The following GALNT14 variants were observed in gnomAD, a reference collection of about 807,000 sequenced individuals.
The protein encoded by GALNT14 is polypeptide N-acetylgalactosaminyltransferase 14.
A neutral mutation model predicts 77.5 loss-of-function variants in GALNT14; 60 were observed. The ratio of observed to expected loss-of-function variants is 0.77; its 90% CI spans 0.63 to 0.96. GALNT14 has a LOEUF of 0.96. Among genes scored for constraint, GALNT14 ranks in the 40% least tolerant of loss-of-function variants. The probability of loss-of-function intolerance (pLI) is 0.00; values close to 1 mark genes in which losing one functional copy is unlikely to be tolerated. For missense variants in GALNT14, 710 were observed against 731.0 expected (o/e 0.97, Z 0.33); for synonymous variants, 280 against 281.7 (o/e 0.99, Z 0.06).
At position 30,924,814 on chromosome 2, in the gene GALNT14, G is replaced by T; in HGVS notation, c.1161C>A (p.Ser387Arg). 1 of 1,613,400 alleles carries T rather than the reference G, an allele frequency of 6.2e-7. No homozygotes were observed. The highest frequency in any genetic ancestry group is 1.1e-5 in the South Asian group (1 of 90,962). Residue 387 changes from serine (S) to arginine (R), a missense_variant, in exon 12 of 15, where the codon AGC becomes AGA. Transcript: ENST00000349752. ...GCAGATTCTTCCTCAGGTCCAATCTGCTCTCAACACTGGGGGCAACGGGGT... is the reference window on the plus strand; with the variant it reads ...GCAGATTCTTCCTCAGGTCCAATCTTCTCTCAACACTGGGGGCAACGGGGT... ...ALERPFGNVE[S>R]RLDLRKNLRC...
chr2:31,072,285 A>T (rs1254977701), intron 1 of GALNT14, among the ~76,000 whole-genome samples: 4 of 108,610 alleles, frequency 3.7e-5, no homozygotes, highest in African/African-American at 1.5e-4. Context: ...ACACACATAC[A>T]CACACACACA....
intron 1 of GALNT14, among the ~76,000 whole-genome samples, chr2:31,083,343 T>G (rs1187826575): frequency 5.3e-5 from 8 of 152,188 alleles, no homozygotes; most frequent in African/African-American, 1.9e-4. Flanking sequence ...TGAGTTTTTG[T>G]TGTATGAGGA....
intron 1 of GALNT14, among the ~76,000 whole-genome samples, chr2:31,130,751 T>A (rs1402821098): frequency 7.3e-6 from 1 of 137,494 alleles, no homozygotes; most frequent in Admixed American, 7.0e-5. Flanking sequence ...TGTGTGTGTG[T>A]GTGTGTGTGT....
At chr2:30,904,385 T>C in the GALNT14 span, among the ~76,000 whole-genome samples, 4 of 152,314 alleles carry the variant, frequency 2.6e-5, no homozygotes, top group South Asian at 2.1e-4. Flanking sequence ...GGGCGAGGCA[T>C]TGCCTCACTT....
intron 1 of GALNT14, among the ~76,000 whole-genome samples, chr2:31,086,342 T>G (rs1676428863): frequency 6.6e-6 from 1 of 152,212 alleles, no homozygotes; most frequent in Non-Finnish European, 1.5e-5. Flanking sequence ...AGCAGGTCCC[T>G]GCAGTGCCTG....
intron 1 of GALNT14, among the ~76,000 whole-genome samples, chr2:31,097,242 C>G (rs994100351): frequency 2.0e-5 from 3 of 152,058 alleles, no homozygotes; most frequent in African/African-American, 7.2e-5. Flanking sequence ...GAGAAAAGAG[C>G]TAAAGGAGAT....
At chr2:30,935,423 C>T (rs975005467) in intron 9 of GALNT14, among the ~76,000 whole-genome samples, 4 of 152,220 alleles carry the variant, frequency 2.6e-5, no homozygotes, top group African/African-American at 9.7e-5. Flanking sequence ...TCATCCAGTC[C>T]TGAAGGATGT....
chr2:30,908,581 A>T (rs1258460573), downstream of GALNT14, among the ~76,000 whole-genome samples: 3 of 145,426 alleles, frequency 2.1e-5, no homozygotes, highest in African/African-American at 7.9e-5. Flanking sequence ...ATGGAAGAAC[A>T]TTCCATGCTC....
At position 30,924,150 on chromosome 2, in the gene GALNT14, G is replaced by T. The variant is rs766451616; in HGVS notation, c.1349C>A (p.Ala450Asp). Residue 450 changes from alanine (A) to aspartate (D), a missense_variant, in exon 13 of 15, where the codon GCC becomes GAC. By Grantham distance (126) the Ala-to-Asp change is moderately radical (BLOSUM62 -2). Transcript: ENST00000349752. ...ETPNLKLSPC[A>D]KVKGEDAKSQ... ...CTTTGCATCTTCGCCTTTGACCTTG[G>T]CACAGGGGCTCAACTTTAGGTTTGG... 2 of 1,614,204 alleles carry T rather than the reference G, an allele frequency of 1.2e-6. No homozygotes were observed. Among genetic ancestry groups the T allele is most frequent in the South Asian group, 2.2e-5 (2 of 91,084 alleles).
intron 1 of GALNT14, among the ~76,000 whole-genome samples, chr2:31,037,878 A>C (rs978416366): frequency 1.3e-5 from 2 of 151,694 alleles, no homozygotes; most frequent in Non-Finnish European, 2.9e-5. Context: ...TCCTATTTGC[A>C]TAGCCTCAAA....
chr2:30,984,677 C>T (rs940449348), intron 2 of GALNT14, among the ~76,000 whole-genome samples: 14 of 152,168 alleles, frequency 9.2e-5, no homozygotes, highest in African/African-American at 3.4e-4. Flanking sequence ...CTTCCCTCAA[C>T]TTGAAATGCC....
At chr2:31,133,854 G>C (rs909575065) in intron 1 of GALNT14, among the ~76,000 whole-genome samples, 3 of 152,150 alleles carry the variant, frequency 2.0e-5, no homozygotes, top group Admixed American at 1.3e-4. Context: ...GGATAATTGG[G>C]GGGGAGGCAG....
rs759630434 is a variant in GALNT14, at chr2:30,945,836, A to T, written c.689T>A (p.Ile230Asn). The change falls in exon 7 of 15, where the codon ATC (isoleucine) becomes AAC (asparagine). Residue 230 changes from isoleucine (I) to asparagine (N), a missense_variant. By Grantham distance (149) the Ile-to-Asn change is moderately radical. Transcript: ENST00000349752. ...YTRVVCPVID[I>N]INLDTFTYIE... is the part of the protein sequence containing the mutation. The stretch of plus-strand genomic sequence containing the variant: ...GTAGGTGAAGGTGTCCAGGTTAATG[A>T]TATCGATCACAGGGCACACCACCCG... 6.2e-7 allele frequency: 1 copy of T among 1,614,050 alleles called. No individual in the cohort carries two copies.
chr2:31,066,194 C>T (rs1573284623), intron 1 of GALNT14, among the ~76,000 whole-genome samples: 1 of 152,198 alleles, frequency 6.6e-6, no homozygotes, highest in African/African-American at 2.4e-5. Flanking sequence ...GCTTGCTGTT[C>T]CATGCTTTGC....
intron 2 of GALNT14, among the ~76,000 whole-genome samples, chr2:30,967,222 A>AGG (rs1009671361): frequency 1.3e-5 from 2 of 152,178 alleles, no homozygotes; most frequent in African/African-American, 4.8e-5. Context: ...ATGGACTTCA[A>AGG]GGGACACGTG....
At chr2:31,116,284 A>C (rs539446004) in intron 1 of GALNT14, among the ~76,000 whole-genome samples, 1 of 152,290 alleles carries the variant, frequency 6.6e-6, no homozygotes, top group Admixed American at 6.5e-5. Flanking sequence ...GTATATATTC[A>C]ATTATATCTA....
the GALNT14 span, among the ~76,000 whole-genome samples, chr2:30,902,320 A>C: frequency 6.6e-6 from 1 of 152,176 alleles, no homozygotes; most frequent in Non-Finnish European, 1.5e-5. Context: ...AACTCTGCAC[A>C]GTTGTAGAGA....
intron 1 of GALNT14, among the ~76,000 whole-genome samples, chr2:31,089,778 A>G (rs1190021995): frequency 6.6e-6 from 1 of 152,128 alleles, no homozygotes; most frequent in African/African-American, 2.4e-5. Flanking sequence ...CGTGCAAGGG[A>G]TCCCAGAAAT....
chr2:31,069,965 G>C (rs1049590826), intron 1 of GALNT14, among the ~76,000 whole-genome samples: 1 of 152,132 alleles, frequency 6.6e-6, no homozygotes, highest in African/African-American at 2.4e-5. Context: ...CCTGGACCGA[G>C]AGAAGAGGAG....
Sources: allele counts gnomAD v4.1 joint callset (sites outside exome capture counted in the v4.1 genomes callset), GRCh38; gene constraint gnomAD v4.1.1; transcripts MANE v1.5; gene names NCBI Gene and HGNC (gene_info 2026-07-23, HGNC 2026-07-21).